RPTOR: variants seen among roughly 807,000 people sequenced by gnomAD.
RPTOR encodes the protein regulatory-associated protein of mTOR.
A neutral mutation model predicts 169.9 loss-of-function variants in RPTOR; 21 were observed. The ratio of observed to expected loss-of-function variants is 0.12; its 90% CI spans 0.09 to 0.18. The LOEUF (loss-of-function observed/expected upper bound fraction) is 0.18. Among genes scored for constraint, RPTOR ranks in the 10% least tolerant of loss-of-function variants. RPTOR has a pLI of 1.00. For missense variants in RPTOR, 1,133 were observed against 1,855.9 expected (o/e 0.61, Z 7.16); for synonymous variants, 732 against 753.2 (o/e 0.97, Z 0.46).
intron 2 of RPTOR, among the ~76,000 whole-genome samples, chr17:80,634,599 CGT>C (rs1567831167): frequency 5.8e-5 from 2 of 34,662 alleles, no homozygotes; most frequent in African/African-American, 1.4e-4. Flanking sequence ...TGTGTGTGTG[CGT>C]ACTGTGTGTG....
At chr17:80,581,767 C>T (rs573764174) in intron 1 of RPTOR, among the ~76,000 whole-genome samples, 4 of 151,804 alleles carry the variant, frequency 2.6e-5, no homozygotes, top group African/African-American at 2.4e-5. Flanking sequence ...TACTGCACAT[C>T]GGGCCTGTGG....
intron 1 of RPTOR, among the ~76,000 whole-genome samples, chr17:80,564,040 C>T (rs1316173301): frequency 6.6e-6 from 1 of 151,894 alleles, no homozygotes; most frequent in South Asian, 2.1e-4. Context: ...TAAAATTGTG[C>T]TGCAGGGAAC....
intron 6 of RPTOR, among the ~76,000 whole-genome samples, chr17:80,784,125 A>G (rs762811316): frequency 6.6e-6 from 1 of 150,666 alleles, no homozygotes; most frequent in South Asian, 2.1e-4. Context: ...ATGCCCAGCT[A>G]ACTTATTTGT....
chr17:80,923,754 C>T, intron 23 of RPTOR, 81 bp downstream of exon 23: 1 of 1,404,136 alleles, frequency 7.1e-7, no homozygotes, highest in Non-Finnish European at 9.5e-7. Flanking sequence ...CAGCCTCAGG[C>T]TGCTCACATC....
At chr17:80,780,443 T>G (rs1372354067) in intron 6 of RPTOR, among the ~76,000 whole-genome samples, 1 of 151,892 alleles carries the variant, frequency 6.6e-6, no homozygotes, top group Non-Finnish European at 1.5e-5. Flanking sequence ...GGATAGACGG[T>G]GGTTTGTTTC....
intron 11 of RPTOR, among the ~76,000 whole-genome samples, chr17:80,850,072 T>C (rs1301395813): frequency 2.6e-5 from 4 of 152,242 alleles, no homozygotes; most frequent in Non-Finnish European, 5.9e-5. Flanking sequence ...GCCCTTTTTC[T>C]TTTCAATAGA....
At chr17:80,807,904 G>T (rs1321233460) in intron 7 of RPTOR, among the ~76,000 whole-genome samples, 1 of 152,082 alleles carries the variant, frequency 6.6e-6, no homozygotes, top group African/African-American at 2.4e-5. Flanking sequence ...ACCATTCTTA[G>T]CCTGGGGGCC....
chr17:80,610,207 G>A (rs1478450509), intron 1 of RPTOR, among the ~76,000 whole-genome samples: 2 of 151,264 alleles, frequency 1.3e-5, no homozygotes, highest in Non-Finnish European at 2.9e-5. Context: ...TTCCCTCCTT[G>A]CATTTGTTCA....
At position 80,544,933 on chromosome 17, in the gene RPTOR, C is replaced by T. The variant is rs1050615466; in HGVS notation, c.-697C>T. 1 of 230,160 alleles carries T rather than the reference C, an allele frequency of 4.3e-6. No individual in the cohort carries two copies. 14.3% of individuals were successfully genotyped at this position (230,160 alleles called of 1,614,324 possible). A position where few individuals can be genotyped will look rare whatever the true frequency, so the allele number is the denominator to read the frequency against. ...CAAAGCTCCCATGACCCAATAAGCC[C>T]ACATTGTCCCTTTCCTCCGTGGTTC... On this transcript the variant is annotated 5_prime_UTR_variant, in exon 1 of 34. Transcript: ENST00000306801.
intron 1 of RPTOR, among the ~76,000 whole-genome samples, chr17:80,599,877 C>T (rs916415452): frequency 7.2e-5 from 11 of 152,158 alleles, no homozygotes; most frequent in Non-Finnish European, 5.9e-5. Context: ...TGAACTTGCT[C>T]ATCTAGTTTA....
intron 2 of RPTOR, among the ~76,000 whole-genome samples, chr17:80,636,294 A>C (rs1378949880): frequency 6.6e-6 from 1 of 151,556 alleles, no homozygotes; most frequent in Non-Finnish European, 1.5e-5. Flanking sequence ...CACCTCAAAC[A>C]CCCCGACCCC....
At chr17:80,705,535 T>G (rs2066136116) in intron 3 of RPTOR, among the ~76,000 whole-genome samples, 1 of 152,222 alleles carries the variant, frequency 6.6e-6, no homozygotes, top group South Asian at 2.1e-4. Context: ...AGGTTTTATG[T>G]TGTCATAAAT....
At chr17:80,551,885 G>T (rs1332542111) in intron 1 of RPTOR, among the ~76,000 whole-genome samples, 2 of 152,194 alleles carry the variant, frequency 1.3e-5, no homozygotes, top group South Asian at 2.1e-4. Flanking sequence ...GCCTTCCGCA[G>T]TGTTTGTGTC....
intron 1 of RPTOR, among the ~76,000 whole-genome samples, chr17:80,624,282 T>C (rs1372278152): frequency 1.3e-5 from 2 of 152,212 alleles, no homozygotes; most frequent in Non-Finnish European, 2.9e-5. Flanking sequence ...AGAACCATAT[T>C]ATGTTCTGTA....
At chr17:80,933,037 G>C (rs146671746) in intron 24 of RPTOR, among the ~76,000 whole-genome samples, 9 of 152,262 alleles carry the variant, frequency 5.9e-5, no homozygotes, top group African/African-American at 2.2e-4. Context: ...CTAGAATTCT[G>C]TACACACAAA....
intron 21 of RPTOR, among the ~76,000 whole-genome samples, chr17:80,915,735 G>T (rs1218630615): frequency 9.6e-6 from 1 of 104,020 alleles, no homozygotes; most frequent in Non-Finnish European, 2.0e-5. Flanking sequence ...CTGAGCAGAC[G>T]TCGGGAAAAC....
intron 24 of RPTOR, among the ~76,000 whole-genome samples, chr17:80,928,190 A>G (rs1189484072): frequency 6.6e-6 from 1 of 152,140 alleles, no homozygotes; most frequent in Non-Finnish European, 1.5e-5. Context: ...TGTCTTTAAC[A>G]TTAGAGACCT....
At position 80,962,910 on chromosome 17, in the gene RPTOR, C is replaced by T; in HGVS notation, c.3810-18C>T. 6.2e-7 allele frequency: 1 copy of T among 1,613,276 alleles called. No homozygotes were observed. The highest frequency in any genetic ancestry group is 8.5e-7 in the Non-Finnish European group (1 of 1,179,830). Reference sequence around the variant, plus strand: ...AAAGAAGAGGGCAGTGATGCCGGGACCCTTTCTCTCCCCACAGTGGCTCCG... The same window carrying T: ...AAAGAAGAGGGCAGTGATGCCGGGATCCTTTCTCTCCCCACAGTGGCTCCG... On this transcript the variant is annotated intron_variant, in intron 32 of 33. Transcript: ENST00000306801.
chr17:80,751,945 C>T (rs2066634730), intron 5 of RPTOR, among the ~76,000 whole-genome samples: 1 of 152,162 alleles, frequency 6.6e-6, no homozygotes. Context: ...TGAGGTTGGC[C>T]CCTACAGCAG....
Sources: allele counts gnomAD v4.1 joint callset (sites outside exome capture counted in the v4.1 genomes callset), GRCh38; gene constraint gnomAD v4.1.1; transcripts MANE v1.5; gene names NCBI Gene and HGNC (gene_info 2026-07-23, HGNC 2026-07-21).